The following PCDH1 variants were observed in gnomAD, a reference collection of about 807,000 sequenced individuals.
The protein encoded by PCDH1 is protocadherin 1.
PCDH1 carries 23 observed loss-of-function variants against 74.6 expected under a neutral mutation model. That is an observed-to-expected ratio of 0.31 (90% confidence interval 0.22 to 0.44). The LOEUF is 0.44. Among genes scored for constraint, PCDH1 ranks in the 20% least tolerant of loss-of-function variants. PCDH1 has a pLI of 1.00. For missense variants in PCDH1, 1,214 were observed against 1,641.4 expected (o/e 0.74, Z 4.50); for synonymous variants, 647 against 686.1 (o/e 0.94, Z 0.89).
At chr5:141,861,927 G>T (rs1320453173) in intron 3 of PCDH1, among the ~76,000 whole-genome samples, 1 of 152,126 alleles carries the variant, frequency 6.6e-6, no homozygotes, top group Non-Finnish European at 1.5e-5. Context: ...GGGGAGGGAG[G>T]TAGCATCACA....
Position 141,869,835 on chromosome 5 carries a change from C to G in PCDH1, c.41-404G>C. ...TGCCTTAGTCACCGATGGTAATTAC[C>G]TTGATACTGAGATAGGGAGAGAGAG... On this transcript the variant is annotated intron_variant, in intron 1 of 4. Transcript: ENST00000287008. The surrounding 1 kb of genome is among the most constrained non-coding windows in gnomAD (Gnocchi z 4.9). 2 of 980,854 alleles carry G rather than the reference C, an allele frequency of 2.0e-6. No homozygotes were observed. The highest frequency in any genetic ancestry group is 2.4e-6 in the Non-Finnish European group (2 of 825,750). 60.8% of individuals were successfully genotyped at this position (980,854 alleles called of 1,614,324 possible).
rs143422415 is a variant in PCDH1 at position 141,873,510 on chromosome 5, G to A, written c.41-4079C>T. Among the ~76,000 whole-genome samples the A allele has an allele frequency of 1.3e-3, 194 of 149,670 alleles. 3 individuals are homozygous for A. The East Asian group carries it at 0.035, about 27-fold the overall frequency. On this transcript the variant is annotated intron_variant, in intron 1 of 4. Transcript: ENST00000287008. The stretch of plus-strand genomic sequence containing the variant: ...TGCCCAGGCTGGAGTGCAGGGGCGC[G>A]ATCCCGGCTCACTGCAAGCTCCGCC...
chr5:141,867,771 G>C (rs1752912879), intron 2 of PCDH1, among the ~76,000 whole-genome samples: 1 of 152,218 alleles, frequency 6.6e-6, no homozygotes, highest in African/African-American at 2.4e-5. Context: ...CAGCCCATGG[G>C]GAAGGGGAAA....
chr5:141,855,837 C>T lies in PCDH1; in HGVS notation c.3320-1401G>A, dbSNP rs1752313655. On this transcript the variant is annotated intron_variant, in intron 4 of 4. Coordinates refer to ENST00000287008, the MANE Select transcript of PCDH1 (RefSeq NM_032420.5). Reference sequence around the variant, plus strand: ...ACAGGAGTTGGCTGCCTGACATCAGCAGTAGCCGGTGTAGTTGCTGGGCAG... The same window carrying T: ...ACAGGAGTTGGCTGCCTGACATCAGTAGTAGCCGGTGTAGTTGCTGGGCAG... Among the ~76,000 whole-genome samples, 3 of 152,322 alleles carry T rather than the reference C, an allele frequency of 2.0e-5. No individual in the cohort carries two copies. In the South Asian group the frequency reaches 6.2e-4, roughly 32 times the overall value.
chr5:141,855,844 C>T (rs766902524), intron 4 of PCDH1, among the ~76,000 whole-genome samples: 1 of 152,178 alleles, frequency 6.6e-6, no homozygotes, highest in Admixed American at 6.5e-5. Flanking sequence ...CAGCAGTAGC[C>T]GGTGTAGTTG....
chr5:141,857,576 A>G lies in PCDH1; in HGVS notation c.3100-105T>C, dbSNP rs543315183. 5.5e-6 allele frequency: 5 copies of G among 901,118 alleles called. No individual in the cohort carries two copies. The South Asian group carries it at 7.0e-5, about 13-fold the overall frequency. The allele number at this position is 901,118 out of a possible 1,614,324, so 55.8% of individuals were successfully genotyped here. ...CAAGCACCATCCTACTCAGGCTTCA[A>G]CAGCAACCAAGAAGAGACCCAGGCC... On this transcript the variant is annotated intron_variant, in intron 3 of 4. Transcript: ENST00000287008.
At chr5:141,860,003 C>T (rs928975609) in intron 3 of PCDH1, among the ~76,000 whole-genome samples, 3 of 152,114 alleles carry the variant, frequency 2.0e-5, no homozygotes, top group African/African-American at 7.2e-5. Context: ...CTTTCCCTGC[C>T]TCCAACTTGG....
chr5:141,878,109 T>C lies in PCDH1; in HGVS notation c.40+114A>G. 1.0e-6 allele frequency: 1 copy of C among 980,432 alleles called. No individual in the cohort carries two copies. Among genetic ancestry groups the C allele is most frequent in the Non-Finnish European group, 1.4e-6 (1 of 730,822 alleles). The allele number at this position is 980,432 out of a possible 1,614,324, so 60.7% of individuals were successfully genotyped here. A position where few individuals can be genotyped will look rare whatever the true frequency, so the allele number is the denominator to read the frequency against. On this transcript the variant is annotated intron_variant, in intron 1 of 4. Coordinates refer to ENST00000287008, the MANE Select transcript of PCDH1 (RefSeq NM_032420.5). This position sits in a 1 kb window ranked among gnomAD's most constrained non-coding sequence, Gnocchi z 5.5. Reference sequence around the variant, plus strand: ...CCACCTCAGCCCCCTCGCGCCGAGCTCGTGTTGGGCCCCCGCGGCCTCGCT... The same window carrying C: ...CCACCTCAGCCCCCTCGCGCCGAGCCCGTGTTGGGCCCCCGCGGCCTCGCT...
intron 4 of PCDH1, among the ~76,000 whole-genome samples, chr5:141,855,019 T>C: frequency 6.6e-6 from 1 of 151,934 alleles, no homozygotes; most frequent in East Asian, 1.9e-4. Context: ...TCACCCAGGC[T>C]GGAGTGCAGT....
intron 4 of PCDH1, among the ~76,000 whole-genome samples, chr5:141,856,712 C>T (rs1173741032): frequency 1.3e-5 from 2 of 152,128 alleles, no homozygotes; most frequent in Non-Finnish European, 2.9e-5. Flanking sequence ...CGCGCTCTTC[C>T]TCAAAGAGGT....
At chr5:141,858,777 A>C (rs570382632) in intron 3 of PCDH1, among the ~76,000 whole-genome samples, 1 of 152,218 alleles carries the variant, frequency 6.6e-6, no homozygotes, top group South Asian at 2.1e-4. Context: ...TGAGTCTCTA[A>C]GCTCCTTCCC....
chr5:141,861,328 G>A (rs961274229), intron 3 of PCDH1, among the ~76,000 whole-genome samples: 4 of 152,134 alleles, frequency 2.6e-5, no homozygotes, highest in African/African-American at 9.7e-5. Context: ...TGGCCTGTGT[G>A]TGTTGATGAT....
At chr5:141,856,314 CGGGGT>C in intron 4 of PCDH1, 1 of 603,928 alleles carries the variant, frequency 1.7e-6, no homozygotes, top group Non-Finnish European at 2.9e-6. Context: ...CATGGAGGGG[CGGGGT>C]GGGGGTGGAG....
At chr5:141,872,988 T>G (rs1753130036) in intron 1 of PCDH1, among the ~76,000 whole-genome samples, 1 of 152,154 alleles carries the variant, frequency 6.6e-6, no homozygotes, top group Admixed American at 6.5e-5. Context: ...ATGAGGATTA[T>G]CTGGCCCCAC....
Position 141,854,246 on chromosome 5 carries a change from G to A in PCDH1, c.3510C>T (p.Gly1170=). ...DRGGQEPAGA[G]SPSPPEDRNT... The stretch of plus-strand genomic sequence containing the variant: ...TCCGGTCTTCCGGGGGGCTGGGGCT[G>A]CCGGCGCCCGCAGGCTCCTGCCCTC... Residue 1170 remains glycine, a synonymous_variant, in exon 5 of 5, where the codon GGC becomes GGT. Coordinates refer to ENST00000287008, the MANE Select transcript of PCDH1 (RefSeq NM_032420.5). 6.2e-7 allele frequency: 1 copy of A among 1,611,754 alleles called. No individual in the cohort carries two copies. Among genetic ancestry groups the A allele is most frequent in the African/African-American group, 1.3e-5 (1 of 75,040 alleles).
At chr5:141,877,713 G>A (rs574297576) in intron 1 of PCDH1, among the ~76,000 whole-genome samples, 1 of 152,308 alleles carries the variant, frequency 6.6e-6, no homozygotes, top group African/African-American at 2.4e-5. Context: ...ACATATGCAG[G>A]GATGTATGTA....
rs1324453235 is a variant in PCDH1 at position 141,863,554 on chromosome 5, T to G, written c.2777A>C (p.Glu926Ala). ...SKSPKPVKPV[E>A]DEDEAGLQKS... ...CTGCAGCCCGGCCTCATCCTCGTCC[T>G]CCACTGGCTTCACGGGCTTTGGGGA... is the stretch of plus-strand genomic sequence containing the variant. Residue 926 changes from glutamate to alanine, a missense_variant, in exon 3 of 5, where the codon GAG (glutamate) becomes GCG (alanine). Coordinates refer to ENST00000287008, the MANE Select transcript of PCDH1 (RefSeq NM_032420.5). The surrounding 1 kb of genome is among the most constrained non-coding windows in gnomAD (Gnocchi z 7.5). 1 of 1,614,064 alleles carries G rather than the reference T, an allele frequency of 6.2e-7. No homozygotes were observed. The highest frequency in any genetic ancestry group is 8.5e-7 in the Non-Finnish European group (1 of 1,180,026).
In PCDH1 at chr5:141,865,055, C is replaced by G; in HGVS notation, c.1276G>C (p.Glu426Gln). 1 of 1,614,216 alleles carries G rather than the reference C, an allele frequency of 6.2e-7. No homozygotes were observed. Among genetic ancestry groups the G allele is most frequent in the South Asian group, 1.1e-5 (1 of 91,084 alleles). ...ACCACACAGGTGACAGCTGCATTCTCTCCCTCATCTCGGTCAGACACCTGC... is the reference window on the plus strand; with the variant it reads ...ACCACACAGGTGACAGCTGCATTCTGTCCCTCATCTCGGTCAGACACCTGC... ...LVQVSDRDEG[E>Q]NAAVTCVVAG... is the part of the protein sequence containing the mutation. Residue 426 changes from glutamate (E) to glutamine (Q), a missense_variant, in exon 3 of 5, where the codon GAG (glutamate) becomes CAG (glutamine). Coordinates refer to ENST00000287008, the MANE Select transcript of PCDH1 (RefSeq NM_032420.5). The surrounding 1 kb of genome is among the most constrained non-coding windows in gnomAD (Gnocchi z 4.4).
chr5:141,873,514 C>G (rs1596562834), intron 1 of PCDH1, among the ~76,000 whole-genome samples: 1 of 150,652 alleles, frequency 6.6e-6, no homozygotes, highest in South Asian at 2.1e-4. Context: ...GGGCGCGATC[C>G]CGGCTCACTG....
Sources: allele counts gnomAD v4.1 joint callset (sites outside exome capture counted in the v4.1 genomes callset), GRCh38; gene constraint gnomAD v4.1.1; non-coding constraint Gnocchi (gnomAD v3.1); transcripts MANE v1.5; gene names NCBI Gene and HGNC (gene_info 2026-07-23, HGNC 2026-07-21).